The following SCLT1 variants were observed in gnomAD, a reference collection of about 807,000 sequenced individuals.
The protein encoded by SCLT1 is sodium channel-associated protein 1.
Under a neutral mutation model 112.8 loss-of-function variants are expected in SCLT1, and 78 were observed. The observed-to-expected ratio is 0.69, with a 90% CI of 0.58 to 0.83. The LOEUF is 0.83. Among genes scored for constraint, SCLT1 ranks in the 40% least tolerant of loss-of-function variants. The pLI, the probability that SCLT1 is intolerant of heterozygous loss-of-function variation, is 0.00. For synonymous variants in SCLT1, 257 were observed against 254.7 expected (o/e 1.01, Z -0.09); for missense variants, 747 against 770.4 (o/e 0.97, Z 0.36).
At position 128,948,527 on chromosome 4, in the gene SCLT1, T is replaced by A. The variant is rs1323700297; in HGVS notation, c.1262A>T (p.Glu421Val). 1 of 1,609,820 alleles carries A rather than the reference T, an allele frequency of 6.2e-7. No individual in the cohort carries two copies. The highest frequency in any genetic ancestry group is 2.2e-5 in the East Asian group (1 of 44,792). ...TAGTTCTTCTTCCACTGCTTTTTTT[T>A]CCTTAATGACTCGTTCAATTTGGCC... ...KQGQIERVIKEKKAVEEELEK... is the reference protein window; with the variant it reads ...KQGQIERVIKVKKAVEEELEK... Residue 421 changes from glutamate (E) to valine (V), a missense_variant, in exon 15 of 21, where the codon GAA (glutamate) becomes GTA (valine). By Grantham distance (121) the Glu-to-Val change is moderately radical. Around this residue, in one of 2 missense-constraint regions of SCLT1, gnomAD observed 723 missense variants for 721.3 expected, o/e 1.00. Transcript: ENST00000281142.
At chr4:128,891,289 T>A in intron 18 of SCLT1, 152 bp from the exon 19 acceptor site, 1 of 612,246 alleles carries the variant, frequency 1.6e-6, no homozygotes, top group South Asian at 2.1e-5. Context: ...CTCAAGGACT[T>A]GTTTATTTCT....
At chr4:128,912,880 T>C (rs114165603) in intron 18 of SCLT1, among the ~76,000 whole-genome samples, 1,900 of 152,324 alleles carry the variant, frequency 0.012, 50 homozygotes, top group African/African-American at 0.044. Flanking sequence ...TAGTGATATT[T>C]ACTGGATTTA....
chr4:129,027,619 G>C (rs1037945759), intron 5 of SCLT1, among the ~76,000 whole-genome samples: 1 of 152,076 alleles, frequency 6.6e-6, no homozygotes, highest in African/African-American at 2.4e-5. Context: ...ACTGGCACAA[G>C]ACAGGGATGT....
At chr4:128,967,612 G>C (rs1740320427) in intron 10 of SCLT1, among the ~76,000 whole-genome samples, 1 of 152,084 alleles carries the variant, frequency 6.6e-6, no homozygotes, top group African/African-American at 2.4e-5. Context: ...TCATAGTGTT[G>C]AGCATTTTTT....
intron 18 of SCLT1, among the ~76,000 whole-genome samples, chr4:128,927,454 G>T (rs1360044992): frequency 1.3e-5 from 2 of 151,664 alleles, no homozygotes; most frequent in African/African-American, 2.4e-5. Context: ...GGACATCTGT[G>T]GTCCTAGCTA....
intron 2 of SCLT1, among the ~76,000 whole-genome samples, chr4:129,059,357 T>C (rs1488939344): frequency 6.6e-6 from 1 of 152,180 alleles, no homozygotes; most frequent in Admixed American, 6.5e-5. Flanking sequence ...ATCCTTTTGC[T>C]CCTGTTTTTC....
At position 128,884,384 on chromosome 4, in the gene SCLT1, A is replaced by C; in HGVS notation, c.*93T>G. On this transcript the variant is annotated 3_prime_UTR_variant, in exon 21 of 21. Coordinates refer to ENST00000281142, the MANE Select transcript of SCLT1 (RefSeq NM_144643.4). ...CTTACGCGAAATAACACAAGCCTTA[A>C]CTATTATACTTTGCAGGCTTTACCA... 1 of 741,694 alleles carries C rather than the reference A, an allele frequency of 1.3e-6. No homozygotes were observed. Among genetic ancestry groups the C allele is most frequent in the East Asian group, 2.5e-5 (1 of 39,274 alleles). The allele number at this position is 741,694 out of a possible 1,614,324, so 45.9% of individuals were successfully genotyped here. A position where few individuals can be genotyped will look rare whatever the true frequency, so the allele number is the denominator to read the frequency against.
At position 128,997,973 on chromosome 4, in the gene SCLT1, G is replaced by A. The variant is rs192196109; in HGVS notation, c.550-34C>T. 9.8e-4 allele frequency: 1,075 copies of A among 1,100,264 alleles called. 7 individuals are homozygous for A. The African/African-American group carries it at 0.015, about 16-fold the overall frequency. 68.2% of individuals were successfully genotyped at this position (1,100,264 alleles called of 1,614,324 possible). ...GGAAGGTAAGGGGAGTATATAAATA[G>A]CATTTTGTTGTTTATAACCCATATT... On this transcript the variant is annotated intron_variant, in intron 7 of 20. Coordinates refer to ENST00000281142, the MANE Select transcript of SCLT1 (RefSeq NM_144643.4).
chr4:129,021,214 C>A (rs899894279), intron 5 of SCLT1, among the ~76,000 whole-genome samples: 2 of 152,312 alleles, frequency 1.3e-5, no homozygotes, highest in East Asian at 1.9e-4. Context: ...GCTTTTCCCA[C>A]GGTTTCTGCA....
chr4:129,092,221 C>T (rs1450472787), intron 1 of SCLT1, among the ~76,000 whole-genome samples: 1 of 152,158 alleles, frequency 6.6e-6, no homozygotes, highest in African/African-American at 2.4e-5. Flanking sequence ...ACCATCCAGC[C>T]CCTTTCTACG....
intron 18 of SCLT1, among the ~76,000 whole-genome samples, chr4:128,894,842 T>G (rs1333325192): frequency 6.6e-6 from 1 of 152,108 alleles, no homozygotes; most frequent in African/African-American, 2.4e-5. Flanking sequence ...CATGCCCAAC[T>G]AATTTTTGTA....
At chr4:129,058,098 G>C (rs1405464351) in intron 2 of SCLT1, among the ~76,000 whole-genome samples, 1 of 151,962 alleles carries the variant, frequency 6.6e-6, no homozygotes, top group Non-Finnish European at 1.5e-5. Context: ...TTTCACTTCT[G>C]ACTTTATTTG....
chr4:129,074,170 T>C (rs1579937511), intron 2 of SCLT1, among the ~76,000 whole-genome samples: 2 of 152,318 alleles, frequency 1.3e-5, no homozygotes, highest in South Asian at 4.1e-4. Context: ...TCCATATTTT[T>C]ATTAGCCTTT....
At chr4:129,080,202 T>G (rs373357515) in intron 2 of SCLT1, among the ~76,000 whole-genome samples, 1 of 152,248 alleles carries the variant, frequency 6.6e-6, no homozygotes, top group Non-Finnish European at 1.5e-5. Flanking sequence ...TCTTTACTTA[T>G]GCAAATTTCT....
chr4:129,026,982 C>T (rs1162601625), intron 5 of SCLT1, among the ~76,000 whole-genome samples: 4 of 151,578 alleles, frequency 2.6e-5, no homozygotes, highest in South Asian at 4.2e-4. Context: ...ACACATACAC[C>T]CTCCCAAGAC....
At chr4:128,962,161 G>A (rs1246401944) in intron 11 of SCLT1, among the ~76,000 whole-genome samples, 1 of 152,126 alleles carries the variant, frequency 6.6e-6, no homozygotes, top group Non-Finnish European at 1.5e-5. Context: ...TATATAAGTT[G>A]AGCATTTAAA....
intron 2 of SCLT1, among the ~76,000 whole-genome samples, chr4:129,071,599 CTGATA>C (rs1466164508): frequency 2.6e-5 from 4 of 151,472 alleles, no homozygotes; most frequent in Non-Finnish European, 5.9e-5. Flanking sequence ...TTTGTTTTGT[CTGATA>C]TAAGAATGAC....
chr4:129,000,530 T>C (rs1325950879), intron 6 of SCLT1, among the ~76,000 whole-genome samples: 1 of 151,990 alleles, frequency 6.6e-6, no homozygotes, highest in Non-Finnish European at 1.5e-5. Context: ...ATGTTAACAT[T>C]TTTCGCCTTT....
intron 10 of SCLT1, 22 bp downstream of exon 10, chr4:128,970,356 T>G: frequency 7.5e-7 from 1 of 1,327,808 alleles, no homozygotes; most frequent in Non-Finnish European, 1.1e-6. Flanking sequence ...AGGTACCCAT[T>G]TGTCTTAGAA....
Sources: gnomAD v4.1 joint callset for allele counts (sites outside exome capture counted in the v4.1 genomes callset) on GRCh38, gnomAD v4.1.1 for gene constraint, gnomAD v4.1.1 regional missense constraint, MANE v1.5 for transcripts, NCBI Gene and HGNC (gene_info 2026-07-23, HGNC 2026-07-21) for gene names.